BBS9: variants seen among roughly 807,000 people sequenced by gnomAD.
BBS9 encodes the protein protein PTHB1.
A neutral mutation model predicts 117.7 loss-of-function variants in BBS9; 89 were observed. The observed-to-expected ratio is 0.76, with a 90% CI of 0.64 to 0.90. BBS9 has a LOEUF of 0.90. Among genes scored for constraint, BBS9 ranks in the 40% least tolerant of loss-of-function variants. BBS9 has a pLI of 0.00. For missense variants in BBS9, 982 were observed against 1,042.2 expected, an observed-to-expected ratio of 0.94 and a Z score of 0.80; for synonymous variants, 379 against 370.9, an observed-to-expected ratio of 1.02 and a Z score of -0.25.
chr7:33,589,083 G>T (rs978083191), intron 21 of BBS9, among the ~76,000 whole-genome samples: 1 of 152,128 alleles, frequency 6.6e-6, no homozygotes, highest in African/African-American at 2.4e-5. Flanking sequence ...GTAAAAATGG[G>T]CAGTCCAGTT....
At chr7:33,527,337 C>G (rs1210885652) in intron 20 of BBS9, among the ~76,000 whole-genome samples, 4 of 152,120 alleles carry the variant, frequency 2.6e-5, no homozygotes, top group African/African-American at 9.7e-5. Flanking sequence ...GTGGGCGCCC[C>G]TCCCCCAGCC....
At chr7:33,177,655 A>G (rs1797527750) in intron 5 of BBS9, 64 bp downstream of exon 5, 8 of 1,162,750 alleles carry the variant, frequency 6.9e-6, no homozygotes, top group South Asian at 2.5e-5. Flanking sequence ...TTGGTCATAT[A>G]AAACAGAGGA....
intron 7 of BBS9, among the ~76,000 whole-genome samples, chr7:33,268,719 A>T (rs749922693): frequency 6.6e-6 from 1 of 152,098 alleles, no homozygotes; most frequent in Non-Finnish European, 1.5e-5. Context: ...TATTTCCCTA[A>T]GTGGAGGTCA....
At position 33,340,892 on chromosome 7, in the gene BBS9, C is replaced by G. The variant is rs1280536998; in HGVS notation, c.1199-5C>G. The G allele has an allele frequency of 1.8e-5, 29 of 1,611,184 alleles. No homozygotes were observed. Among genetic ancestry groups the G allele is most frequent in the Non-Finnish European group, 2.5e-5 (29 of 1,178,454 alleles). On this transcript the variant is annotated splice_region_variant and splice_polypyrimidine_tract_variant and intron_variant, in intron 10 of 22. Coordinates refer to ENST00000242067, the MANE Select transcript of BBS9 (RefSeq NM_198428.3). The stretch of plus-strand genomic sequence containing the variant: ...TTAAATAATTTTTCTTTTTTTAAAT[C>G]ACAGGTGTTTGGCCCATGACTGAGA...
intron 19 of BBS9, among the ~76,000 whole-genome samples, chr7:33,444,058 A>G (rs1231366747): frequency 2.6e-5 from 4 of 152,190 alleles, no homozygotes; most frequent in African/African-American, 4.8e-5. Flanking sequence ...AGGCAACCCT[A>G]GCCAGAATTT....
chr7:33,341,857 C>T (rs996923976), intron 11 of BBS9, among the ~76,000 whole-genome samples: 2 of 152,076 alleles, frequency 1.3e-5, no homozygotes, highest in African/African-American at 4.8e-5. Context: ...TCTATAAGCA[C>T]TTGTTAGGAT....
intron 19 of BBS9, among the ~76,000 whole-genome samples, chr7:33,488,879 T>TA (rs1277839325): frequency 6.6e-6 from 1 of 152,062 alleles, no homozygotes; most frequent in Non-Finnish European, 1.5e-5. Flanking sequence ...GTAGTTTTCA[T>TA]ATGAGGGAAT....
intron 9 of BBS9, among the ~76,000 whole-genome samples, chr7:33,320,482 C>T (rs2128579163): frequency 6.6e-6 from 1 of 152,184 alleles, no homozygotes; most frequent in South Asian, 2.1e-4. Flanking sequence ...TTGCTTTATC[C>T]ATTCGTCTGT....
At chr7:33,507,560 T>C (rs1248051301) in intron 20 of BBS9, among the ~76,000 whole-genome samples, 1 of 152,176 alleles carries the variant, frequency 6.6e-6, no homozygotes, top group African/African-American at 2.4e-5. Flanking sequence ...TTAGTAACTT[T>C]CATGGTTATT....
intron 19 of BBS9, among the ~76,000 whole-genome samples, chr7:33,451,826 C>T (rs1267669342): frequency 6.6e-6 from 1 of 151,986 alleles, no homozygotes; most frequent in Non-Finnish European, 1.5e-5. Context: ...CAGAATATGC[C>T]ATTGGGAACA....
intron 21 of BBS9, among the ~76,000 whole-genome samples, chr7:33,612,203 T>G (rs189282192): frequency 1.6e-4 from 24 of 152,154 alleles, no homozygotes; most frequent in African/African-American, 5.5e-4. Flanking sequence ...ATTAAGTTAC[T>G]CATTCCTTGG....
chr7:33,252,609 C>T (rs963748465), intron 5 of BBS9, among the ~76,000 whole-genome samples: 1 of 151,990 alleles, frequency 6.6e-6, no homozygotes, highest in African/African-American at 2.4e-5. Flanking sequence ...TCTTTGAGGT[C>T]TTTGGGAGAC....
intron 9 of BBS9, among the ~76,000 whole-genome samples, chr7:33,281,622 T>A (rs900843967): frequency 6.6e-6 from 1 of 151,948 alleles, no homozygotes; most frequent in Non-Finnish European, 1.5e-5. Context: ...GCCATTCTCC[T>A]GCCTCAACCT....
At chr7:33,404,781 C>A (rs987910138) in intron 19 of BBS9, among the ~76,000 whole-genome samples, 2 of 152,122 alleles carry the variant, frequency 1.3e-5, no homozygotes, top group East Asian at 3.9e-4. Flanking sequence ...ACAGTCATGT[C>A]GTCTGCAAAC....
intron 5 of BBS9, among the ~76,000 whole-genome samples, chr7:33,209,348 A>T (rs1274492452): frequency 6.6e-6 from 1 of 152,254 alleles, no homozygotes; most frequent in Non-Finnish European, 1.5e-5. Flanking sequence ...TTGTCTGTTG[A>T]TGGAAGCTTA....
chr7:33,307,395 A>G (rs1374400562), intron 9 of BBS9, among the ~76,000 whole-genome samples: 1 of 152,176 alleles, frequency 6.6e-6, no homozygotes, highest in African/African-American at 2.4e-5. Context: ...ATCATAAACC[A>G]TCTAGAATTT....
intron 1 of BBS9, among the ~76,000 whole-genome samples, chr7:33,137,135 G>A (rs71532563): frequency 0.16 from 23,995 of 152,068 alleles, 2,077 homozygotes; most frequent in South Asian, 0.21. Context: ...CCCAGAGTCC[G>A]GAGGGGACCG....
intron 21 of BBS9, among the ~76,000 whole-genome samples, chr7:33,628,638 T>G (rs1156741126): frequency 6.6e-6 from 1 of 152,216 alleles, no homozygotes; most frequent in Non-Finnish European, 1.5e-5. Context: ...GGAAAGAATG[T>G]ATCTGCTCTG....
intron 1 of BBS9, among the ~76,000 whole-genome samples, chr7:33,144,650 C>G (rs1240996674): frequency 1.3e-5 from 2 of 152,128 alleles, no homozygotes; most frequent in Non-Finnish European, 2.9e-5. Flanking sequence ...TTAAAATGGT[C>G]TGCAAATGTA....
Sources: allele counts gnomAD v4.1 joint callset (sites outside exome capture counted in the v4.1 genomes callset), GRCh38; gene constraint gnomAD v4.1.1; transcripts MANE v1.5; gene names NCBI Gene and HGNC (gene_info 2026-07-23, HGNC 2026-07-21).